The following CCT8 variants were observed in gnomAD, a reference collection of about 807,000 sequenced individuals.
CCT8 encodes T-complex protein 1 subunit theta.
CCT8 carries 10 observed loss-of-function variants against 65.7 expected under a neutral mutation model. That is an observed-to-expected ratio of 0.15 (90% CI 0.09 to 0.26). The LOEUF (loss-of-function observed/expected upper bound fraction) is 0.26, where lower values mean the gene tolerates loss of function less well. CCT8 is among the 10% of genes least tolerant of loss of function. The pLI is 1.00. For synonymous variants in CCT8, 199 were observed against 221.8 expected (o/e 0.90, Z 0.92); for missense variants, 568 against 669.1 (o/e 0.85, Z 1.67).
At position 29,066,988 on chromosome 21, in the gene CCT8, T is replaced by G; in HGVS notation, c.465A>C (p.Arg155=). 6.2e-7 allele frequency: 1 copy of G among 1,613,712 alleles called. No individual in the cohort carries two copies. ...NLVCCSAKNL[R]DIDEVSSLLR... ...GTAGAGATGAGACTTCATCAATATC[T>G]CGAAGGTTTTTTGCAGAACAACATA... is the stretch of plus-strand genomic sequence containing the variant. The change falls in exon 5 of 15, where the codon CGA becomes CGC. Residue 155 remains arginine (R), a synonymous_variant. Coordinates refer to ENST00000286788, the MANE Select transcript of CCT8 (RefSeq NM_006585.4).
chr21:29,073,457 G>A, intron 1 of CCT8, 74 bp downstream of exon 1: 11 of 1,609,334 alleles, frequency 6.8e-6, no homozygotes, highest in Non-Finnish European at 9.3e-6. Context: ...CCGTTAGTAG[G>A]CCCTCCTACT....
At chr21:29,073,344 AGAG>A (rs2146447952) in intron 1 of CCT8, 184 bp downstream of exon 1, 1 of 1,423,748 alleles carries the variant, frequency 7.0e-7, no homozygotes, top group East Asian at 2.6e-5. Context: ...TCGCGGAAGA[AGAG>A]AAGTGCCCGC....
chr21:29,073,256 G>A lies in CCT8; in HGVS notation c.60+275C>T. 3.8e-6 allele frequency: 5 copies of A among 1,317,228 alleles called. No individual in the cohort carries two copies. The South Asian group carries it at 5.4e-5, about 14-fold the overall frequency. 81.6% of individuals were successfully genotyped at this position (1,317,228 alleles called of 1,614,324 possible). The stretch of plus-strand genomic sequence containing the variant: ...CCCCATTTACGGATGGAGGCAAAAC[G>A]CACGCGCGGCTTCACATCCGTCCAC... On this transcript the variant is annotated intron_variant, in intron 1 of 14. Coordinates refer to ENST00000286788, the MANE Select transcript of CCT8 (RefSeq NM_006585.4).
rs200081518 is a variant in CCT8, at chr21:29,073,632, C to T, written c.-42G>A. The T allele has an allele frequency of 2.8e-4, 443 of 1,596,244 alleles. 2 individuals are homozygous for T. The African/African-American group carries it at 5.4e-3, about 19-fold the overall frequency. ...GCAGTTCACGCGACCGCTCGGAAGA[C>T]CGCGGAGGAAGCGAGGAGCACGCAC... On this transcript the variant is annotated 5_prime_UTR_variant, in exon 1 of 15. Coordinates refer to ENST00000286788, the MANE Select transcript of CCT8 (RefSeq NM_006585.4).
Position 29,062,506 on chromosome 21 carries a change from G to T in CCT8, c.992C>A (p.Thr331Lys). Residue 331 changes from threonine (T) to lysine (K), a missense_variant, in exon 9 of 15, where the codon ACA becomes AAA. Transcript: ENST00000286788. ...AATACATACCAATCTAGGAAGAGCT[G>T]TAGCACCAACAGTTTTACAAAGTCT... ...LRRLCKTVGATALPRLTPPVL... is the reference protein window; with the variant it reads ...LRRLCKTVGAKALPRLTPPVL... The T allele has an allele frequency of 6.2e-7, 1 of 1,613,890 alleles. No homozygotes were observed. The highest frequency in any genetic ancestry group is 8.5e-7 in the Non-Finnish European group (1 of 1,179,848).
intron 7 of CCT8, among the ~76,000 whole-genome samples, chr21:29,064,409 TAAA>T (rs34760776): frequency 1.5e-4 from 4 of 26,718 alleles, no homozygotes; most frequent in Non-Finnish European, 1.9e-4. Flanking sequence ...AGCAAGACTC[TAAA>T]AAAAAAAAAA....
intron 1 of CCT8, 190 bp downstream of exon 1, chr21:29,073,338 GGAA>G (rs2085704808): frequency 7.0e-7 from 1 of 1,418,892 alleles, no homozygotes; most frequent in South Asian, 1.5e-5. Context: ...TCCCGGTCGC[GGAA>G]GAAGAGAAGT....
Position 29,070,114 on chromosome 21 carries a change from G to A in CCT8, c.151+133C>T, listed in dbSNP as rs557705441. 4.5e-5 allele frequency: 22 copies of A among 489,212 alleles called. 1 individual carries two copies. In the South Asian group the frequency reaches 8.9e-4, roughly 20 times the overall value. 30.3% of individuals were successfully genotyped at this position (489,212 alleles called of 1,614,324 possible). ...GAAAATTAGAAATAACTAAAAATTG[G>A]AAATGAACTATCATTGAGCTATCAA... On this transcript the variant is annotated intron_variant, in intron 2 of 14. Coordinates refer to ENST00000286788, the MANE Select transcript of CCT8 (RefSeq NM_006585.4).
intron 13 of CCT8, among the ~76,000 whole-genome samples, chr21:29,060,963 A>G (rs762662865): frequency 6.6e-6 from 1 of 152,212 alleles, no homozygotes; most frequent in Non-Finnish European, 1.5e-5. Flanking sequence ...AATAGTTGTT[A>G]TAGTGTATTT....
In CCT8 at chr21:29,066,776, T is replaced by C. The variant is rs375877034; in HGVS notation, c.564A>G (p.Val188=). Residue 188 remains valine (V), a splice_region_variant and synonymous_variant, in exon 6 of 15, where the codon GTA becomes GTG. Coordinates refer to ENST00000286788, the MANE Select transcript of CCT8 (RefSeq NM_006585.4). ...AATGGCCGGAATCAGGAAAAATAGATACTGTTAAGAAAATGAGACATATCA... is the reference window on the plus strand; with the variant it reads ...AATGGCCGGAATCAGGAAAAATAGACACTGTTAAGAAAATGAGACATATCA... The part of the protein sequence containing the change: ...FLAKLIAQAC[V]SIFPDSGHFN... 8 of 1,605,390 alleles carry C rather than the reference T, an allele frequency of 5.0e-6. No individual in the cohort carries two copies. Among genetic ancestry groups the C allele is most frequent in the Admixed American group, 1.7e-5 (1 of 58,722 alleles).
chr21:29,065,699 T>C (rs999823469), intron 6 of CCT8, among the ~76,000 whole-genome samples: 1 of 152,246 alleles, frequency 6.6e-6, no homozygotes, highest in Non-Finnish European at 1.5e-5. Context: ...GTGAATTCTA[T>C]TATTGAAGAG....
In CCT8 at chr21:29,061,556, A is replaced by G; in HGVS notation, c.1224T>C (p.Leu408=). The G allele has an allele frequency of 1.2e-6, 2 of 1,613,994 alleles. No homozygotes were observed. Among genetic ancestry groups the G allele is most frequent in the South Asian group, 1.1e-5 (1 of 91,078 alleles). Residue 408 remains leucine, a synonymous_variant, in exon 12 of 15, where the codon CTT becomes CTC. Coordinates refer to ENST00000286788, the MANE Select transcript of CCT8 (RefSeq NM_006585.4). ...TTTCTGTTGCTCCACCTCCGGGTAC[A>G]AGACGTTTATCCTGTATGTAGCGCC... is the stretch of plus-strand genomic sequence containing the variant. The part of the protein sequence containing the change: ...TFKVLTRDKR[L]VPGGGATEIE...
At chr21:29,065,776 A>G (rs1445188040) in intron 6 of CCT8, among the ~76,000 whole-genome samples, 1 of 152,262 alleles carries the variant, frequency 6.6e-6, no homozygotes, top group Admixed American at 6.5e-5. Flanking sequence ...AGTATTATGA[A>G]GAACACAAAA....
intron 3 of CCT8, among the ~76,000 whole-genome samples, 200 bp downstream of exon 3, chr21:29,069,221 CTT>C (rs1177628237): frequency 6.6e-6 from 1 of 152,106 alleles, no homozygotes; most frequent in African/African-American, 2.4e-5. Context: ...AAATTAATAA[CTT>C]GAGAGATTTT....
intron 14 of CCT8, among the ~76,000 whole-genome samples, chr21:29,058,573 T>A (rs907502952): frequency 1.3e-5 from 2 of 150,398 alleles, no homozygotes; most frequent in African/African-American, 4.9e-5. Context: ...TGGAGTGACA[T>A]CTGAGAATCT....
At chr21:29,068,999 T>C (rs917418227) in intron 3 of CCT8, among the ~76,000 whole-genome samples, 1 of 152,190 alleles carries the variant, frequency 6.6e-6, no homozygotes, top group African/African-American at 2.4e-5. Flanking sequence ...TAGATTCTAA[T>C]AGTAAAACTA....
At chr21:29,060,062 TAG>T (rs2085545911) in intron 14 of CCT8, 1 of 143,788 alleles carries the variant, frequency 7.0e-6, no homozygotes. Flanking sequence ...CTTCTATATA[TAG>T]AACAGTCTAC....
At chr21:29,059,712 A>G (rs1568909059) in intron 14 of CCT8, 1 of 152,174 alleles carries the variant, frequency 6.6e-6, no homozygotes, top group Non-Finnish European at 1.5e-5. Flanking sequence ...GCTTATTTTC[A>G]ATGACTTGAA....
intron 3 of CCT8, 94 bp from the exon 4 acceptor site, chr21:29,067,799 T>C: frequency 2.2e-6 from 2 of 896,014 alleles, no homozygotes; most frequent in Non-Finnish European, 3.1e-6. Context: ...AATTTTCTTG[T>C]AGATTAGGTA....
Sources: allele counts gnomAD v4.1 joint callset (sites outside exome capture counted in the v4.1 genomes callset), GRCh38; gene constraint gnomAD v4.1.1; transcripts MANE v1.5; gene names NCBI Gene and HGNC (gene_info 2026-07-23, HGNC 2026-07-21).